The following SCEL variants were observed in gnomAD, a reference collection of about 807,000 sequenced individuals.
SCEL encodes the protein sciellin.
SCEL carries 113 observed loss-of-function variants against 117.6 expected under a neutral mutation model. The observed-to-expected ratio is 0.96, with a 90% CI of 0.83 to 1.12. SCEL has a LOEUF of 1.12. SCEL is among the 50% of genes most tolerant of loss of function. The pLI, the probability that SCEL is intolerant of heterozygous loss-of-function variation, is 0.00. For synonymous variants in SCEL, 270 were observed against 256.2 expected, an observed-to-expected ratio of 1.05 and a Z score of -0.51; for missense variants, 785 against 810.8, an observed-to-expected ratio of 0.97 and a Z score of 0.39.
intron 13 of SCEL, 131 bp from the exon 14 acceptor site, chr13:77,599,198 C>A: frequency 1.5e-6 from 1 of 648,418 alleles, no homozygotes; most frequent in Non-Finnish European, 2.7e-6. Flanking sequence ...ATACCTATTT[C>A]AAGAATTGTA....
intron 9 of SCEL, among the ~76,000 whole-genome samples, chr13:77,575,529 T>C (rs975386624): frequency 6.6e-6 from 1 of 152,210 alleles, no homozygotes; most frequent in Non-Finnish European, 1.5e-5. Context: ...TTATGTATGA[T>C]ATACATTAGT....
At chr13:77,537,833 G>A (rs992138210) in intron 1 of SCEL, among the ~76,000 whole-genome samples, 3 of 152,198 alleles carry the variant, frequency 2.0e-5, no homozygotes, top group Non-Finnish European at 2.9e-5. Flanking sequence ...TCACGAAGCC[G>A]TCAAATTAAG....
chr13:77,636,123 C>A (rs1209942550), intron 29 of SCEL, among the ~76,000 whole-genome samples: 1 of 152,188 alleles, frequency 6.6e-6, no homozygotes, highest in Non-Finnish European at 1.5e-5. Flanking sequence ...CCTTAAGTTT[C>A]CTAAAATCTA....
rs937904530 is a variant in SCEL at position 77,644,962 on chromosome 13, T to C, written c.*688T>C. ...TAAGCCTATTGAACTAGGTAGGACATATAAACAATTTAATTTTAGTGTCAT... is the reference window on the plus strand; with the variant it reads ...TAAGCCTATTGAACTAGGTAGGACACATAAACAATTTAATTTTAGTGTCAT... On this transcript the variant is annotated 3_prime_UTR_variant, in exon 33 of 33. Transcript: ENST00000349847. 1.3e-5 allele frequency: 2 copies of C among 152,180 alleles called. No homozygotes were observed. Among genetic ancestry groups the C allele is most frequent in the Non-Finnish European group, 2.9e-5 (2 of 68,004 alleles). 9.4% of individuals were successfully genotyped at this position (152,180 alleles called of 1,614,324 possible). A position where few individuals can be genotyped will look rare whatever the true frequency, so the allele number is the denominator to read the frequency against.
chr13:77,601,311 T>C (rs1372107677), intron 15 of SCEL, among the ~76,000 whole-genome samples: 1 of 152,194 alleles, frequency 6.6e-6, no homozygotes, highest in African/African-American at 2.4e-5. Context: ...AACTGAGTTT[T>C]GGTGCAGGAA....
intron 28 of SCEL, among the ~76,000 whole-genome samples, chr13:77,629,790 A>G (rs996820604): frequency 5.3e-5 from 8 of 152,220 alleles, no homozygotes; most frequent in Non-Finnish European, 1.2e-4. Context: ...ATGTAGAAAT[A>G]TGATTGGACA....
intron 1 of SCEL, among the ~76,000 whole-genome samples, chr13:77,545,695 T>C (rs2083949918): frequency 6.6e-6 from 1 of 152,044 alleles, no homozygotes; most frequent in Non-Finnish European, 1.5e-5. Context: ...AGAGGGGGCA[T>C]TAGGAGATGA....
intron 12 of SCEL, among the ~76,000 whole-genome samples, chr13:77,596,723 G>GTGTGTGTGTGT: frequency 2.0e-5 from 3 of 150,780 alleles, no homozygotes; most frequent in Non-Finnish European, 3.0e-5. Flanking sequence ...GTGTGTGTGT[G>GTGTGTGTGTGT]GTCGGGGGTA....
chr13:77,563,810 T>C, intron 4 of SCEL, 21 bp from the exon 5 acceptor site: 1 of 1,555,702 alleles, frequency 6.4e-7, no homozygotes, highest in South Asian at 1.2e-5. Context: ...TTTTTTTTTT[T>C]GGTAATTATG....
intron 11 of SCEL, 38 bp from the exon 12 acceptor site, chr13:77,593,471 GCTCGA>G (rs528899767): frequency 3.3e-4 from 489 of 1,473,702 alleles, no homozygotes; most frequent in Non-Finnish European, 4.3e-4. Flanking sequence ...TTCAAAAATA[GCTCGA>G]CTATCATTGA....
At chr13:77,592,670 TG>T (rs2086944117) in intron 11 of SCEL, among the ~76,000 whole-genome samples, 1 of 151,308 alleles carries the variant, frequency 6.6e-6, no homozygotes, top group Non-Finnish European at 1.5e-5. Flanking sequence ...GAGATCCTCC[TG>T]CCTTAGCCTC....
intron 9 of SCEL, among the ~76,000 whole-genome samples, chr13:77,580,939 T>C (rs1415558508): frequency 6.6e-6 from 1 of 152,086 alleles, no homozygotes; most frequent in African/African-American, 2.4e-5. Context: ...GAAAAAAATA[T>C]CCTGATTGAG....
Position 77,617,867 on chromosome 13 carries a change from A to G in SCEL, c.1571+5A>G. 1.2e-6 allele frequency: 2 copies of G among 1,604,334 alleles called. No homozygotes were observed. The highest frequency in any genetic ancestry group is 1.7e-6 in the Non-Finnish European group (2 of 1,171,812). Reference sequence around the variant, plus strand: ...AGTAATCAGAAACAATCAGAGGTATATATAGAAGCAGTCAATTCATGTTTT... The same window carrying G: ...AGTAATCAGAAACAATCAGAGGTATGTATAGAAGCAGTCAATTCATGTTTT... On this transcript the variant is annotated splice_donor_5th_base_variant and intron_variant, in intron 26 of 32. Coordinates refer to ENST00000349847, the MANE Select transcript of SCEL (RefSeq NM_144777.3).
chr13:77,635,238 A>G (rs2090220050), intron 29 of SCEL, among the ~76,000 whole-genome samples: 1 of 152,168 alleles, frequency 6.6e-6, no homozygotes, highest in Non-Finnish European at 1.5e-5. Context: ...TGCAACATCA[A>G]TATTGATTTT....
At chr13:77,634,565 A>G (rs1171659685) in intron 29 of SCEL, 115 bp downstream of exon 29, 5 of 659,450 alleles carry the variant, frequency 7.6e-6, no homozygotes, top group African/African-American at 3.6e-5. Flanking sequence ...AAGACCGTTT[A>G]TAAGTACATT....
intron 9 of SCEL, among the ~76,000 whole-genome samples, chr13:77,578,654 A>G (rs1057399145): frequency 6.6e-6 from 1 of 152,170 alleles, no homozygotes; most frequent in African/African-American, 2.4e-5. Flanking sequence ...AAGTAACACA[A>G]TGCTAGGTTT....
chr13:77,629,221 G>C (rs2089917527), intron 28 of SCEL, among the ~76,000 whole-genome samples: 1 of 152,056 alleles, frequency 6.6e-6, no homozygotes, highest in Non-Finnish European at 1.5e-5. Flanking sequence ...GTCCATTCTT[G>C]ACCTGAAGAA....
At chr13:77,630,980 C>T (rs1005289932) in intron 28 of SCEL, among the ~76,000 whole-genome samples, 2 of 152,178 alleles carry the variant, frequency 1.3e-5, no homozygotes, top group Non-Finnish European at 2.9e-5. Context: ...GTTTCCCAAA[C>T]TTTTGGGTAC....
intron 9 of SCEL, among the ~76,000 whole-genome samples, chr13:77,579,458 G>A (rs2086143989): frequency 6.6e-6 from 1 of 152,120 alleles, no homozygotes; most frequent in Non-Finnish European, 1.5e-5. Context: ...TAGTTGTGCT[G>A]TATTCTATGT....
Sources: allele counts gnomAD v4.1 joint callset (sites outside exome capture counted in the v4.1 genomes callset), GRCh38; gene constraint gnomAD v4.1.1; transcripts MANE v1.5; gene names NCBI Gene and HGNC (gene_info 2026-07-23, HGNC 2026-07-21).